PTPRM: variants seen among roughly 807,000 people sequenced by gnomAD.
The protein encoded by PTPRM is protein tyrosine phosphatase receptor type M.
A neutral mutation model predicts 186.7 loss-of-function variants in PTPRM; 47 were observed. The ratio of observed to expected loss-of-function variants is 0.25; its 90% CI spans 0.20 to 0.32. The LOEUF is 0.32. Ranked by LOEUF, PTPRM falls within the 10% of genes least tolerant of loss-of-function variation. The probability of loss-of-function intolerance (pLI) is 1.00; values close to 1 mark genes in which losing one functional copy is unlikely to be tolerated. For missense variants in PTPRM, 1,494 were observed against 1,865.0 expected, an observed-to-expected ratio of 0.80 and a Z score of 3.66; for synonymous variants, 668 against 674.9, an observed-to-expected ratio of 0.99 and a Z score of 0.16.
At chr18:8,300,558 A>G (rs2095145647) in intron 20 of PTPRM, among the ~76,000 whole-genome samples, 1 of 150,908 alleles carries the variant, frequency 6.6e-6, no homozygotes, top group East Asian at 1.9e-4. Flanking sequence ...ATGAGCTGGT[A>G]GGTAATTCAG....
At chr18:7,852,980 A>C (rs1343134816) in intron 2 of PTPRM, among the ~76,000 whole-genome samples, 1 of 152,216 alleles carries the variant, frequency 6.6e-6, no homozygotes, top group Non-Finnish European at 1.5e-5. Context: ...CTTAATATCC[A>C]AAAATAGGAA....
At chr18:8,246,722 A>G (rs899459356) in intron 15 of PTPRM, among the ~76,000 whole-genome samples, 1 of 152,116 alleles carries the variant, frequency 6.6e-6, no homozygotes, top group Non-Finnish European at 1.5e-5. Flanking sequence ...ATACATTTCT[A>G]TTTTGTAAAA....
intron 19 of PTPRM, among the ~76,000 whole-genome samples, chr18:8,293,635 A>C (rs1439938175): frequency 6.6e-6 from 1 of 152,246 alleles, no homozygotes; most frequent in Non-Finnish European, 1.5e-5. Context: ...AATTTTTGGA[A>C]GTCAAATAGT....
At chr18:8,291,873 G>A (rs2095047000) in intron 19 of PTPRM, among the ~76,000 whole-genome samples, 1 of 151,072 alleles carries the variant, frequency 6.6e-6, no homozygotes, top group Non-Finnish European at 1.5e-5. Context: ...AAAAAAGGAA[G>A]GAGGGTGGAC....
At chr18:7,651,058 A>G (rs1162437829) in intron 1 of PTPRM, among the ~76,000 whole-genome samples, 1 of 150,608 alleles carries the variant, frequency 6.6e-6, no homozygotes, top group African/African-American at 2.4e-5. Context: ...CAGCCTCCCT[A>G]GTAGCTGGGA....
At chr18:7,794,635 C>T (rs997522549) in intron 2 of PTPRM, among the ~76,000 whole-genome samples, 2 of 152,160 alleles carry the variant, frequency 1.3e-5, no homozygotes, top group African/African-American at 4.8e-5. Flanking sequence ...ATCATATCGC[C>T]AAACCTGCTC....
At chr18:8,106,225 C>G (rs765165512) in intron 11 of PTPRM, among the ~76,000 whole-genome samples, 2 of 152,108 alleles carry the variant, frequency 1.3e-5, no homozygotes, top group Non-Finnish European at 2.9e-5. Context: ...GAGGTAGGAC[C>G]CAGCTCATTG....
chr18:7,595,676 T>G (rs925481077), intron 1 of PTPRM, among the ~76,000 whole-genome samples: 4 of 152,216 alleles, frequency 2.6e-5, no homozygotes, highest in African/African-American at 9.6e-5. Context: ...AATAGTAATG[T>G]TACTCTATCT....
intron 13 of PTPRM, among the ~76,000 whole-genome samples, chr18:8,131,799 C>T (rs953591343): frequency 6.6e-6 from 1 of 152,190 alleles, no homozygotes; most frequent in Non-Finnish European, 1.5e-5. Context: ...GAATTTTCTT[C>T]AACATGCTGT....
chr18:7,761,282 C>T (rs1222181956), intron 1 of PTPRM, among the ~76,000 whole-genome samples: 1 of 152,042 alleles, frequency 6.6e-6, no homozygotes, highest in Admixed American at 6.5e-5. Context: ...TTCTTTATGG[C>T]CTGAGTATTG....
intron 1 of PTPRM, among the ~76,000 whole-genome samples, chr18:7,674,406 G>A (rs2039287993): frequency 2.0e-5 from 3 of 152,204 alleles, no homozygotes; most frequent in Admixed American, 2.0e-4. Flanking sequence ...GGGAGCTGAA[G>A]GAGTTTTACT....
intron 5 of PTPRM, among the ~76,000 whole-genome samples, chr18:7,933,110 G>T (rs1349328855): frequency 6.6e-6 from 1 of 152,166 alleles, no homozygotes; most frequent in African/African-American, 2.4e-5. Context: ...AGGTGTCTTG[G>T]TTATCAGATA....
intron 31 of PTPRM, among the ~76,000 whole-genome samples, chr18:8,387,794 T>A (rs2095787498): frequency 6.6e-6 from 1 of 152,016 alleles, no homozygotes; most frequent in East Asian, 1.9e-4. Flanking sequence ...TTTGGGAGAA[T>A]GTGTATATTG....
intron 11 of PTPRM, among the ~76,000 whole-genome samples, chr18:8,106,059 C>T (rs896777302): frequency 3.9e-5 from 6 of 152,076 alleles, no homozygotes; most frequent in African/African-American, 1.2e-4. Flanking sequence ...TTACCTCAGG[C>T]CTTGTGGGCG....
chr18:8,018,864 G>A (rs2085037566), intron 7 of PTPRM, among the ~76,000 whole-genome samples: 1 of 152,102 alleles, frequency 6.6e-6, no homozygotes, highest in Non-Finnish European at 1.5e-5. Context: ...CAAAAAGCAA[G>A]ATTTAGTGAC....
At chr18:8,148,908 A>G (rs1414491444) in intron 14 of PTPRM, among the ~76,000 whole-genome samples, 3 of 151,932 alleles carry the variant, frequency 2.0e-5, no homozygotes, top group Non-Finnish European at 4.4e-5. Context: ...TTCATTATTT[A>G]CCCAGTAGTC....
rs1254488286 is a variant in PTPRM, at chr18:8,085,717, C to T, written c.1598C>T (p.Ser533Phe). The T allele has an allele frequency of 1.2e-6, 2 of 1,611,224 alleles. No homozygotes were observed. The highest frequency in any genetic ancestry group is 1.7e-6 in the Non-Finnish European group (2 of 1,177,538). ...TCCTTTGACCCAGAAATAGATTTAT[C>T]CAATCAGAGTGGAAGAGTTTCAAAG... ...VSSFDPEIDL[S>F]NQSGRVSKLG... is the part of the protein sequence containing the mutation. Residue 533 changes from serine to phenylalanine, a missense_variant, in exon 10 of 33, where the codon TCC becomes TTC. Physicochemically the swap from Ser to Phe is radical, Grantham distance 155 (BLOSUM62 -2). Transcript: ENST00000580170.
intron 7 of PTPRM, among the ~76,000 whole-genome samples, chr18:7,976,949 A>G (rs569277926): frequency 1.3e-5 from 2 of 151,858 alleles, no homozygotes; most frequent in African/African-American, 4.8e-5. Context: ...CTTGATTTTA[A>G]CAATAAAAAA....
intron 2 of PTPRM, among the ~76,000 whole-genome samples, chr18:7,784,747 C>G (rs1598699670): frequency 6.6e-6 from 1 of 152,218 alleles, no homozygotes; most frequent in Non-Finnish European, 1.5e-5. Flanking sequence ...GACATTGACA[C>G]TGCTTTTTGA....
Sources: allele counts gnomAD v4.1 joint callset (sites outside exome capture counted in the v4.1 genomes callset), GRCh38; gene constraint gnomAD v4.1.1; transcripts MANE v1.5; gene names NCBI Gene and HGNC (gene_info 2026-07-23, HGNC 2026-07-21).